Variants in CHRM3 observed in about 807,000 individuals in gnomAD.
CHRM3 encodes the protein cholinergic receptor muscarinic 3.
CHRM3 carries 11 observed loss-of-function variants against 41.8 expected under a neutral mutation model. The observed-to-expected ratio is 0.26, with a 90% CI of 0.17 to 0.44. CHRM3 has a LOEUF of 0.44. Ranked by LOEUF, CHRM3 falls within the 20% of genes least tolerant of loss-of-function variation. The pLI, the probability that CHRM3 is intolerant of heterozygous loss-of-function variation, is 1.00. For missense variants in CHRM3, 571 were observed against 745.4 expected, an observed-to-expected ratio of 0.77 and a Z score of 2.72; for synonymous variants, 297 against 301.4, an observed-to-expected ratio of 0.99 and a Z score of 0.15.
At chr1:239,440,000 C>T (rs1223300161) in intron 1 of CHRM3, among the ~76,000 whole-genome samples, 7 of 151,264 alleles carry the variant, frequency 4.6e-5, no homozygotes, top group Non-Finnish European at 1.0e-4. Flanking sequence ...GAGTTCGAGA[C>T]TAGCCTGACC....
intron 2 of CHRM3, among the ~76,000 whole-genome samples, chr1:239,517,874 G>A (rs949133534): frequency 3.3e-5 from 5 of 152,206 alleles, no homozygotes; most frequent in Non-Finnish European, 7.4e-5. Flanking sequence ...TTGAGAGGCT[G>A]AGGTGGGCAG....
At chr1:239,465,248 G>T (rs1434120253) in intron 1 of CHRM3, among the ~76,000 whole-genome samples, 1 of 152,018 alleles carries the variant, frequency 6.6e-6, no homozygotes, top group East Asian at 1.9e-4. Context: ...GTGCTCTCTG[G>T]GGGTAAGTGA....
intron 5 of CHRM3, among the ~76,000 whole-genome samples, chr1:239,696,090 T>C (rs1374908862): frequency 6.6e-6 from 1 of 152,184 alleles, no homozygotes; most frequent in Non-Finnish European, 1.5e-5. Flanking sequence ...TCGTAAGACA[T>C]GATTTCTGGT....
intron 3 of CHRM3, among the ~76,000 whole-genome samples, chr1:239,596,040 G>A (rs1332781664): frequency 6.6e-6 from 1 of 152,062 alleles, no homozygotes; most frequent in Non-Finnish European, 1.5e-5. Context: ...GTTTTACCTG[G>A]ATGTATTTAT....
intron 5 of CHRM3, among the ~76,000 whole-genome samples, chr1:239,799,734 C>T (rs1275709541): frequency 6.6e-6 from 1 of 152,156 alleles, no homozygotes; most frequent in African/African-American, 2.4e-5. Flanking sequence ...CTCTGCCCAA[C>T]ATCAAACTGT....
At chr1:239,717,893 G>A (rs899547341) in intron 5 of CHRM3, among the ~76,000 whole-genome samples, 2 of 152,058 alleles carry the variant, frequency 1.3e-5, no homozygotes, top group African/African-American at 4.8e-5. Flanking sequence ...TTTATGCCAT[G>A]TCAGTTTATA....
intron 1 of CHRM3, among the ~76,000 whole-genome samples, chr1:239,483,396 A>G (rs902141885): frequency 2.6e-5 from 4 of 152,130 alleles, no homozygotes; most frequent in Admixed American, 6.5e-5. Context: ...TTGGTTCTCC[A>G]TTTCCTGTGT....
At chr1:239,662,864 C>CCT (rs1417535123) in intron 4 of CHRM3, among the ~76,000 whole-genome samples, 9 of 55,868 alleles carry the variant, frequency 1.6e-4, no homozygotes, top group African/African-American at 6.8e-4. Flanking sequence ...TTCTCCTTCT[C>CCT]CTTTCTCCTC....
intron 4 of CHRM3, among the ~76,000 whole-genome samples, chr1:239,675,658 T>C (rs1657925269): frequency 6.6e-6 from 1 of 152,198 alleles, no homozygotes; most frequent in Non-Finnish European, 1.5e-5. Context: ...TAATATGTTA[T>C]AAGGTATCAG....
At chr1:239,805,016 C>T (rs928592908) in intron 5 of CHRM3, among the ~76,000 whole-genome samples, 3 of 152,128 alleles carry the variant, frequency 2.0e-5, no homozygotes, top group African/African-American at 7.2e-5. Context: ...ATCCTCTGCC[C>T]GTTTCCTTAA....
chr1:239,583,191 G>A (rs1367513244), intron 3 of CHRM3, among the ~76,000 whole-genome samples: 1 of 152,184 alleles, frequency 6.6e-6, no homozygotes, highest in African/African-American at 2.4e-5. Flanking sequence ...TCACATGTAT[G>A]AGTGAACCAT....
intron 3 of CHRM3, among the ~76,000 whole-genome samples, chr1:239,558,118 C>G (rs1006897919): frequency 6.6e-6 from 1 of 152,158 alleles, no homozygotes; most frequent in Non-Finnish European, 1.5e-5. Flanking sequence ...AAAAGCATTC[C>G]TATTTCTCTG....
chr1:239,698,319 A>G (rs537635277), intron 5 of CHRM3, among the ~76,000 whole-genome samples: 2 of 152,172 alleles, frequency 1.3e-5, no homozygotes, highest in African/African-American at 2.4e-5. Context: ...TTAGTCTACA[A>G]GGAAATATTA....
At chr1:239,725,013 G>A (rs1207194425) in intron 5 of CHRM3, among the ~76,000 whole-genome samples, 4 of 151,836 alleles carry the variant, frequency 2.6e-5, no homozygotes, top group African/African-American at 4.8e-5. Context: ...ATGCCTGTGT[G>A]CACTCTCAGC....
chr1:239,859,823 A>ATATATATATTTT (rs1231522764), intron 6 of CHRM3, among the ~76,000 whole-genome samples: 18 of 37,638 alleles, frequency 4.8e-4, no homozygotes, highest in African/African-American at 8.1e-4. Context: ...AGTGTTTTAT[A>ATATATATATTTT]TATATATATA....
intron 1 of CHRM3, among the ~76,000 whole-genome samples, chr1:239,445,012 G>A (rs1039669195): frequency 6.6e-6 from 1 of 152,238 alleles, no homozygotes; most frequent in African/African-American, 2.4e-5. Flanking sequence ...CTTGTGTGCA[G>A]TGGGCCACTG....
At chr1:239,679,551 T>C (rs1185797444) in intron 5 of CHRM3, among the ~76,000 whole-genome samples, 1 of 152,170 alleles carries the variant, frequency 6.6e-6, no homozygotes, top group Non-Finnish European at 1.5e-5. Context: ...ACGTTTATTC[T>C]TAGAGATGTA....
chr1:239,592,373 G>A (rs888311148), intron 3 of CHRM3, among the ~76,000 whole-genome samples: 5 of 151,840 alleles, frequency 3.3e-5, no homozygotes, highest in Admixed American at 6.6e-5. Flanking sequence ...TGTAACTATC[G>A]CAATTAATTT....
At chr1:239,607,398 A>C (rs2148725211) in intron 3 of CHRM3, among the ~76,000 whole-genome samples, 1 of 152,312 alleles carries the variant, frequency 6.6e-6, no homozygotes, top group South Asian at 2.1e-4. Context: ...CTTTTAACAG[A>C]TGCATAGGCA....
Sources: allele counts gnomAD v4.1 joint callset (sites outside exome capture counted in the v4.1 genomes callset), GRCh38; gene constraint gnomAD v4.1.1; transcripts MANE v1.5; gene names NCBI Gene and HGNC (gene_info 2026-07-23, HGNC 2026-07-21).